BRINP3: variants seen among roughly 807,000 people sequenced by gnomAD.
The protein encoded by BRINP3 is BMP/retinoic acid-inducible neural-specific protein 3.
Under a neutral mutation model 71.0 loss-of-function variants are expected in BRINP3, and 19 were observed. That is an observed-to-expected ratio of 0.27 (90% CI 0.19 to 0.39). BRINP3 has a LOEUF of 0.39. Among genes scored for constraint, BRINP3 ranks in the 10% least tolerant of loss-of-function variants. BRINP3 has a pLI of 1.00. For missense variants in BRINP3, 959 were observed against 940.8 expected (o/e 1.02, Z -0.25); for synonymous variants, 380 against 337.7 (o/e 1.13, Z -1.37).
intron 5 of BRINP3, among the ~76,000 whole-genome samples, chr1:190,232,565 A>T (rs1281145486): frequency 6.6e-6 from 1 of 152,132 alleles, no homozygotes; most frequent in Non-Finnish European, 1.5e-5. Flanking sequence ...ACAGAAAAAA[A>T]GTGAAAGAGA....
chr1:190,441,829 G>A (rs1308280774), intron 2 of BRINP3, among the ~76,000 whole-genome samples: 1 of 152,002 alleles, frequency 6.6e-6, no homozygotes. Context: ...TGTTATCATT[G>A]GATTAAACAT....
intron 1 of BRINP3, among the ~76,000 whole-genome samples, chr1:190,470,555 T>C (rs1677068523): frequency 6.6e-6 from 1 of 151,068 alleles, no homozygotes; most frequent in Admixed American, 6.6e-5. Context: ...AAAAAAATAG[T>C]AAAAATAGGT....
At chr1:190,294,994 T>A (rs1296544654) in intron 2 of BRINP3, among the ~76,000 whole-genome samples, 1 of 151,858 alleles carries the variant, frequency 6.6e-6, no homozygotes, top group African/African-American at 2.4e-5. Context: ...CTCTCTCTAC[T>A]CTGTACTTTC....
intron 2 of BRINP3, among the ~76,000 whole-genome samples, chr1:190,427,965 G>A (rs990728191): frequency 2.7e-5 from 4 of 150,422 alleles, no homozygotes; most frequent in African/African-American, 7.3e-5. Context: ...TTGTCATTTA[G>A]CTCCCAGTTA....
intron 3 of BRINP3, among the ~76,000 whole-genome samples, chr1:190,276,514 A>T (rs1344457986): frequency 6.6e-6 from 1 of 151,392 alleles, no homozygotes; most frequent in Non-Finnish European, 1.5e-5. Flanking sequence ...TTTTATCCAT[A>T]TTGTATCTTA....
intron 2 of BRINP3, among the ~76,000 whole-genome samples, chr1:190,362,953 G>C (rs1669243525): frequency 6.6e-6 from 1 of 151,990 alleles, no homozygotes; most frequent in Non-Finnish European, 1.5e-5. Flanking sequence ...ATAAAATCTT[G>C]ATTCCAGAAA....
chr1:190,207,434 A>G (rs926331672), intron 6 of BRINP3, among the ~76,000 whole-genome samples: 1 of 152,146 alleles, frequency 6.6e-6, no homozygotes, highest in African/African-American at 2.4e-5. Flanking sequence ...TCTTTACACT[A>G]GCACTTTGTC....
intron 2 of BRINP3, among the ~76,000 whole-genome samples, chr1:190,404,912 C>A (rs974658369): frequency 6.6e-6 from 1 of 151,914 alleles, no homozygotes; most frequent in Non-Finnish European, 1.5e-5. Flanking sequence ...ATTTCAAAAT[C>A]AAAAGTGAAC....
intron 2 of BRINP3, among the ~76,000 whole-genome samples, chr1:190,426,432 GT>G (rs1355736970): frequency 6.6e-6 from 1 of 151,810 alleles, no homozygotes; most frequent in Non-Finnish European, 1.5e-5. Context: ...AGATATTGGT[GT>G]TTTTTGGCTT....
intron 6 of BRINP3, among the ~76,000 whole-genome samples, chr1:190,184,926 A>T (rs946975430): frequency 2.6e-5 from 4 of 152,182 alleles, no homozygotes; most frequent in African/African-American, 9.7e-5. Flanking sequence ...AAAAAAAATG[A>T]AATCCCTACC....
At chr1:190,226,390 T>C in intron 5 of BRINP3, 72 bp from the exon 6 acceptor site, 1 of 829,918 alleles carries the variant, frequency 1.2e-6, no homozygotes, top group Non-Finnish European at 1.8e-6. Context: ...ATTTATAATA[T>C]TCAATCAAAA....
At chr1:190,134,502 C>G (rs1394874258) in intron 7 of BRINP3, among the ~76,000 whole-genome samples, 1 of 151,778 alleles carries the variant, frequency 6.6e-6, no homozygotes, top group Admixed American at 6.6e-5. Flanking sequence ...AAAAGAAGGG[C>G]GGGAGTGAAA....
At chr1:190,411,599 A>G (rs1672666599) in intron 2 of BRINP3, among the ~76,000 whole-genome samples, 1 of 152,176 alleles carries the variant, frequency 6.6e-6, no homozygotes, top group South Asian at 2.1e-4. Flanking sequence ...ATAATAAAAG[A>G]CTAATTGAAA....
intron 2 of BRINP3, among the ~76,000 whole-genome samples, chr1:190,292,403 T>G (rs1663936268): frequency 6.6e-6 from 1 of 152,090 alleles, no homozygotes; most frequent in Non-Finnish European, 1.5e-5. Context: ...CCTGTAATCC[T>G]GAAACTTTGG....
chr1:190,181,139 C>A (rs1188570269), intron 6 of BRINP3, among the ~76,000 whole-genome samples: 1 of 152,028 alleles, frequency 6.6e-6, no homozygotes, highest in Admixed American at 6.6e-5. Context: ...AAGTGTAATA[C>A]ACATGAAATC....
chr1:190,464,293 A>C (rs1377334129), intron 1 of BRINP3, among the ~76,000 whole-genome samples: 1 of 151,986 alleles, frequency 6.6e-6, no homozygotes, highest in African/African-American at 2.4e-5. Flanking sequence ...ATCCCTTTTG[A>C]ATTTCAAAGA....
intron 7 of BRINP3, among the ~76,000 whole-genome samples, chr1:190,159,638 G>C (rs1657170631): frequency 6.6e-6 from 1 of 151,996 alleles, no homozygotes. Context: ...AATCTATAGA[G>C]ACAAATAGTA....
intron 2 of BRINP3, among the ~76,000 whole-genome samples, chr1:190,362,622 T>G (rs771566157): frequency 6.6e-6 from 1 of 152,154 alleles, no homozygotes; most frequent in Non-Finnish European, 1.5e-5. Flanking sequence ...AATTCCAACA[T>G]GTTGTGGGAG....
At chr1:190,446,250 C>G (rs569564072) in intron 2 of BRINP3, among the ~76,000 whole-genome samples, 1 of 152,048 alleles carries the variant, frequency 6.6e-6, no homozygotes, top group South Asian at 2.1e-4. Context: ...TGTTGTTGAA[C>G]ACATATATTC....
Sources: allele counts gnomAD v4.1 joint callset (sites outside exome capture counted in the v4.1 genomes callset), GRCh38; gene constraint gnomAD v4.1.1; transcripts MANE v1.5; gene names NCBI Gene and HGNC (gene_info 2026-07-23, HGNC 2026-07-21).